PRSS12: variants seen among roughly 807,000 people sequenced by gnomAD.
PRSS12 encodes neurotrypsin.
In PRSS12, 85 loss-of-function variants were observed where a neutral mutation model predicts 104.4. The observed-to-expected ratio is 0.81, with a 90% CI of 0.68 to 0.98. PRSS12 has a LOEUF of 0.98. PRSS12 is among the 50% of genes least tolerant of loss of function. PRSS12 has a pLI of 0.00. For synonymous variants in PRSS12, 454 were observed against 425.2 expected (o/e 1.07, Z -0.83); for missense variants, 1,141 against 1,139.2 (o/e 1.00, Z -0.02).
intron 1 of PRSS12, among the ~76,000 whole-genome samples, chr4:118,346,581 C>G (rs1332936038): frequency 6.6e-6 from 1 of 151,914 alleles, no homozygotes; most frequent in African/African-American, 2.4e-5. Context: ...CAGTTATAAA[C>G]CAAATTACTT....
intron 3 of PRSS12, among the ~76,000 whole-genome samples, chr4:118,334,265 T>C (rs1231572316): frequency 6.6e-6 from 1 of 152,104 alleles, no homozygotes; most frequent in Non-Finnish European, 1.5e-5. Context: ...TATAAACAGA[T>C]GAATAGATTA....
At chr4:118,311,529 A>G (rs1743727934) in intron 7 of PRSS12, among the ~76,000 whole-genome samples, 1 of 152,160 alleles carries the variant, frequency 6.6e-6, no homozygotes, top group African/African-American at 2.4e-5. Flanking sequence ...TTAAATATAT[A>G]GTAGTTTTTA....
intron 8 of PRSS12, among the ~76,000 whole-genome samples, chr4:118,304,580 C>T (rs1451969030): frequency 6.6e-6 from 1 of 151,734 alleles, no homozygotes; most frequent in African/African-American, 2.4e-5. Flanking sequence ...TGTTCAAAAA[C>T]AATGCTATAT....
intron 1 of PRSS12, among the ~76,000 whole-genome samples, chr4:118,339,999 A>T (rs544205685): frequency 6.6e-6 from 1 of 152,354 alleles, no homozygotes; most frequent in African/African-American, 2.4e-5. Context: ...TAATGAAAAC[A>T]AACGAAATGT....
At position 118,346,651 on chromosome 4, in the gene PRSS12, CCAGGAGGTGAG is replaced by C. The variant is rs144513784; in HGVS notation, c.502+5557_502+5567del. Among the ~76,000 whole-genome samples, 671 of 152,152 alleles carry C rather than the reference CCAGGAGGTGAG, an allele frequency of 4.4e-3. 6 individuals are homozygous for C. The highest frequency in any genetic ancestry group is 0.016 in the African/African-American group (645 of 41,512). On this transcript the variant is annotated intron_variant, in intron 1 of 12. Transcript: ENST00000296498. ...CCCCAGGCTGCCCAGCAGGAGGTGA[CCAGGAGGTGAG>C]CAAGTGAAGCTTTATCTGTATTTAC...
intron 1 of PRSS12, among the ~76,000 whole-genome samples, chr4:118,343,719 A>G (rs1724274679): frequency 6.6e-6 from 1 of 152,114 alleles, no homozygotes; most frequent in African/African-American, 2.4e-5. Flanking sequence ...CTGTGCCACT[A>G]TACTCCAGCC....
intron 4 of PRSS12, among the ~76,000 whole-genome samples, chr4:118,324,930 C>T (rs1380332048): frequency 6.6e-6 from 1 of 151,972 alleles, no homozygotes; most frequent in Non-Finnish European, 1.5e-5. Context: ...AGGCTGGTCT[C>T]GAACTCCTGA....
intron 8 of PRSS12, among the ~76,000 whole-genome samples, chr4:118,301,363 T>C (rs1042633046): frequency 6.6e-6 from 1 of 152,164 alleles, no homozygotes; most frequent in African/African-American, 2.4e-5. Flanking sequence ...TAAAGTAGAA[T>C]GGGTAGTGTT....
At position 118,338,220 on chromosome 4, in the gene PRSS12, C is replaced by G. The variant is rs758118428; in HGVS notation, c.597G>C (p.Trp199Cys). The change falls in exon 2 of 13, where the codon TGG becomes TGC. Residue 199 changes from tryptophan (W) to cysteine (C), a missense_variant. Physicochemically the swap from Trp to Cys is radical, Grantham distance 215. Coordinates refer to ENST00000296498, the MANE Select transcript of PRSS12 (RefSeq NM_003619.4). The stretch of plus-strand genomic sequence containing the variant: ...AAATGACTGATGCATCAGAATCATC[C>G]CAGTGGCTGCTACAGACAGTGCCCC... ...GVWGTVCSSH[W>C]DDSDASVICH... is the part of the protein sequence containing the mutation. 1.7e-5 allele frequency: 28 copies of G among 1,614,022 alleles called. No homozygotes were observed. The highest frequency in any genetic ancestry group is 2.3e-5 in the Non-Finnish European group (27 of 1,179,950).
chr4:118,280,777 G>A lies in PRSS12; in HGVS notation c.*1159C>T, dbSNP rs924263418. 2.6e-5 allele frequency: 4 copies of A among 152,190 alleles called. No individual in the cohort carries two copies. Among genetic ancestry groups the A allele is most frequent in the Non-Finnish European group, 5.9e-5 (4 of 68,028 alleles). 9.4% of individuals were successfully genotyped at this position (152,190 alleles called of 1,614,324 possible). A position where few individuals can be genotyped will look rare whatever the true frequency, so the allele number is the denominator to read the frequency against. ...TAGCCATAGGGAAACCAATCATTTA[G>A]GTAGGAGAACCATGGGGAAAAAAAT... On this transcript the variant is annotated 3_prime_UTR_variant, in exon 13 of 13. Transcript: ENST00000296498.
chr4:118,315,985 T>TAA (rs1743897229), intron 6 of PRSS12, among the ~76,000 whole-genome samples, 197 bp downstream of exon 6: 1 of 152,126 alleles, frequency 6.6e-6, no homozygotes, highest in Non-Finnish European at 1.5e-5. Context: ...GCAGGAAAGG[T>TAA]AAATGAAATA....
intron 1 of PRSS12, among the ~76,000 whole-genome samples, chr4:118,349,260 C>A (rs1481972078): frequency 6.6e-6 from 1 of 152,042 alleles, no homozygotes; most frequent in African/African-American, 2.4e-5. Context: ...AAAAATATGT[C>A]GGGCATGGTA....
At chr4:118,332,186 T>C (rs1402854456) in intron 3 of PRSS12, among the ~76,000 whole-genome samples, 3 of 152,186 alleles carry the variant, frequency 2.0e-5, no homozygotes, top group African/African-American at 4.8e-5. Flanking sequence ...ATTTGTATAG[T>C]ATTATGGTGG....
At chr4:118,305,910 T>C (rs1212122013) in intron 8 of PRSS12, 1 of 152,188 alleles carries the variant, frequency 6.6e-6, no homozygotes, top group Non-Finnish European at 1.5e-5. Flanking sequence ...AGTATTTGTC[T>C]TTCAGTAACT....
At chr4:118,295,953 C>A in intron 9 of PRSS12, 97 bp from the exon 10 acceptor site, 1 of 1,128,676 alleles carries the variant, frequency 8.9e-7, no homozygotes, top group South Asian at 1.3e-5. Context: ...TCCTCTATGT[C>A]AAAATCCCTT....
At chr4:118,287,288 A>G (rs373621362) in intron 11 of PRSS12, among the ~76,000 whole-genome samples, 20 of 152,240 alleles carry the variant, frequency 1.3e-4, no homozygotes, top group African/African-American at 4.3e-4. Flanking sequence ...CGGGACCACA[A>G]GTGCATGCCA....
At chr4:118,343,936 G>T (rs1257035354) in intron 1 of PRSS12, among the ~76,000 whole-genome samples, 1 of 152,046 alleles carries the variant, frequency 6.6e-6, no homozygotes, top group African/African-American at 2.4e-5. Context: ...ATCACAGTTT[G>T]ATAAAAGAGT....
intron 4 of PRSS12, among the ~76,000 whole-genome samples, chr4:118,328,127 T>C (rs1197202761): frequency 6.6e-6 from 1 of 152,190 alleles, no homozygotes; most frequent in Non-Finnish European, 1.5e-5. Flanking sequence ...TGAAAGTACT[T>C]AGCCTTTAAA....
rs1390301655 is a variant in PRSS12 at position 118,281,043 on chromosome 4, G to A, written c.*893C>T. 1 of 152,226 alleles carries A rather than the reference G, an allele frequency of 6.6e-6. No individual in the cohort carries two copies. The highest frequency in any genetic ancestry group is 1.5e-5 in the Non-Finnish European group (1 of 68,068). The allele number at this position is 152,226 out of a possible 1,614,324, so 9.4% of individuals were successfully genotyped here. A position where few individuals can be genotyped will look rare whatever the true frequency, so the allele number is the denominator to read the frequency against. ...TTTTGACTAGTATATTTTAAGATTG[G>A]ATTGTATCAGGTTGGGCTTGGGAAA... is the stretch of plus-strand genomic sequence containing the variant. On this transcript the variant is annotated 3_prime_UTR_variant, in exon 13 of 13. Coordinates refer to ENST00000296498, the MANE Select transcript of PRSS12 (RefSeq NM_003619.4).
Sources: gnomAD v4.1 joint callset for allele counts (sites outside exome capture counted in the v4.1 genomes callset) on GRCh38, gnomAD v4.1.1 for gene constraint, MANE v1.5 for transcripts, NCBI Gene and HGNC (gene_info 2026-07-23, HGNC 2026-07-21) for gene names.